MAGED1: variants seen among roughly 807,000 people sequenced by gnomAD.
The protein encoded by MAGED1 is melanoma-associated antigen D1.
In MAGED1, 3 loss-of-function variants were observed where a neutral mutation model predicts 54.1. That is an observed-to-expected ratio of 0.06 (90% confidence interval 0.03 to 0.14). MAGED1 has a LOEUF of 0.14. MAGED1 is among the 10% of genes least tolerant of loss of function. MAGED1 has a pLI of 1.00. For synonymous variants in MAGED1, 217 were observed against 227.3 expected (o/e 0.95, Z 0.41); for missense variants, 485 against 623.4 (o/e 0.78, Z 2.36).
At chrX:51,900,122 C>T (rs1273127461) in intron 10 of MAGED1, 60 bp from the exon 11 acceptor site, 1 of 715,845 alleles carries the variant, frequency 1.4e-6, no homozygotes, top group Non-Finnish European at 2.2e-6. Flanking sequence ...GATTATTTTT[C>T]ATTAGTGGAC....
chrX:51,805,805 A>T (rs2078629210), intron 1 of MAGED1, among the ~76,000 whole-genome samples: 1 of 109,024 alleles, frequency 9.2e-6, no homozygotes, highest in African/African-American at 3.3e-5. Context: ...CCATCCGTCC[A>T]TCCGTCCATC....
intron 1 of MAGED1, among the ~76,000 whole-genome samples, chrX:51,877,668 C>T (rs958023957): frequency 7.2e-5 from 8 of 110,600 alleles, no homozygotes; most frequent in African/African-American, 1.3e-4. Context: ...GGATATTACA[C>T]GTTATCATAA....
At chrX:51,879,742 T>C (rs1243349094) in intron 1 of MAGED1, among the ~76,000 whole-genome samples, 1 of 111,747 alleles carries the variant, frequency 8.9e-6, no homozygotes, top group African/African-American at 3.2e-5. Flanking sequence ...GATTTTAGGG[T>C]GATGATTTGC....
At chrX:51,859,882 C>T (rs1927214034) in intron 1 of MAGED1, among the ~76,000 whole-genome samples, 1 of 111,034 alleles carries the variant, frequency 9.0e-6, no homozygotes, top group Admixed American at 9.7e-5. Flanking sequence ...TTGCAGTGAG[C>T]TGAGATCATG....
intron 1 of MAGED1, among the ~76,000 whole-genome samples, chrX:51,877,973 G>C (rs782092573): frequency 8.1e-5 from 9 of 111,262 alleles, no homozygotes; most frequent in African/African-American, 2.9e-4. Flanking sequence ...CAAATTAAGT[G>C]GTTTATGAGG....
At chrX:51,868,023 A>G (rs1361009559) in intron 1 of MAGED1, among the ~76,000 whole-genome samples, 3 of 112,575 alleles carry the variant, frequency 2.7e-5, no homozygotes, top group Middle Eastern at 4.2e-3. Flanking sequence ...TGACATATCA[A>G]TAGAATATTT....
chrX:51,894,723 TA>T, intron 2 of MAGED1: 1 of 1,159,491 alleles, frequency 8.6e-7, no homozygotes, highest in Non-Finnish European at 1.1e-6. Flanking sequence ...CGACCCCCCT[TA>T]TTCTCAACTC....
intron 11 of MAGED1, among the ~76,000 whole-genome samples, chrX:51,900,908 A>T (rs1292291250): frequency 3.5e-5 from 4 of 112,687 alleles, no homozygotes; most frequent in Non-Finnish European, 7.5e-5. Flanking sequence ...TGTTGGGATT[A>T]CAGGCGTGAG....
chrX:51,879,627 T>G (rs981044749), intron 1 of MAGED1, among the ~76,000 whole-genome samples: 2 of 111,463 alleles, frequency 1.8e-5, no homozygotes, highest in Admixed American at 1.9e-4. Context: ...TTTTGGAAAA[T>G]TCTTAGCCAT....
At position 51,894,710 on chromosome X, in the gene MAGED1, G is replaced by A. The variant is rs1162470482; in HGVS notation, c.46-343G>A. 2.6e-6 allele frequency: 3 copies of A among 1,150,800 alleles called. No individual in the cohort carries two copies. The African/African-American group carries it at 6.2e-5, about 24-fold the overall frequency. 94.8% of individuals were successfully genotyped at this position (1,150,800 alleles called of 1,213,427 possible). The stretch of plus-strand genomic sequence containing the variant: ...TCCCTCTTTCTGCATTCCCCACTCT[G>A]TGCGACCCCCCTTATTCTCAACTCC... On this transcript the variant is annotated intron_variant, in intron 2 of 12. Coordinates refer to ENST00000326587, the MANE Select transcript of MAGED1 (RefSeq NM_006986.4).
At chrX:51,819,804 G>A (rs1222311106) in intron 1 of MAGED1, among the ~76,000 whole-genome samples, 1 of 111,180 alleles carries the variant, frequency 9.0e-6, no homozygotes, top group Non-Finnish European at 1.9e-5. Flanking sequence ...TTTCATTTTA[G>A]TGAAGTCCAA....
intron 1 of MAGED1, among the ~76,000 whole-genome samples, chrX:51,818,232 T>G (rs942526776): frequency 1.8e-5 from 2 of 111,735 alleles, no homozygotes; most frequent in African/African-American, 6.5e-5. Flanking sequence ...AATTGCTAGC[T>G]GCATAGTGGA....
In MAGED1 at chrX:51,901,802, A is replaced by G; in HGVS notation, c.2209A>G (p.Arg737Gly). The G allele has an allele frequency of 8.3e-7, 1 of 1,211,609 alleles. No homozygotes were observed. Residue 737 changes from arginine to glycine, a missense_variant, in exon 12 of 13, where the codon AGA becomes GGA. Arg to Gly is a moderately radical substitution (Grantham distance 125). Transcript: ENST00000326587. ...CAGAATTCCATTTACCTTCTGGGCC[A>G]GATACCACCAGAATGCCCGCTCCAG... ...WSRIPFTFWARYHQNARSRFP... is the reference protein window; with the variant it reads ...WSRIPFTFWAGYHQNARSRFP...
chrX:51,874,789 C>T (rs1470865961), intron 1 of MAGED1, among the ~76,000 whole-genome samples: 1 of 110,240 alleles, frequency 9.1e-6, no homozygotes, highest in Non-Finnish European at 1.9e-5. Context: ...TTTTTCTCCT[C>T]AAGATGGGTC....
chrX:51,901,076 T>G (rs1431692826), intron 11 of MAGED1, among the ~76,000 whole-genome samples: 1 of 112,684 alleles, frequency 8.9e-6, no homozygotes, highest in Non-Finnish European at 1.9e-5. Context: ...ACATTTTTTT[T>G]GTGATGAGAA....
At chrX:51,899,056 G>A (rs919315169) in intron 10 of MAGED1, 1 of 123,675 alleles carries the variant, frequency 8.1e-6, no homozygotes, top group Non-Finnish European at 1.7e-5. Flanking sequence ...CACTATACTT[G>A]TGCATATGTG....
At chrX:51,808,465 T>C (rs1051137062) in intron 1 of MAGED1, among the ~76,000 whole-genome samples, 4 of 112,105 alleles carry the variant, frequency 3.6e-5, no homozygotes, top group Non-Finnish European at 7.5e-5. Flanking sequence ...TCCCAGCACT[T>C]TGGGAGGCCG....
chrX:51,891,521 A>G (rs1184564449), upstream of MAGED1, among the ~76,000 whole-genome samples: 1 of 113,050 alleles, frequency 8.8e-6, no homozygotes, highest in Non-Finnish European at 1.9e-5. Context: ...TGCTTTAGCA[A>G]TGGGATGGAG....
rs782716409 is a variant in MAGED1, at chrX:51,900,201, G to A, written c.1864G>A (p.Val622Met). ...VKQKYLDYRRVPNSNPPEYEF... is the reference protein window; with the variant it reads ...VKQKYLDYRRMPNSNPPEYEF... ...TTTCAGATACCTGGACTACAGACGA[G>A]TGCCCAACAGCAACCCCCCGGAGTA... is the stretch of plus-strand genomic sequence containing the variant. The change falls in exon 11 of 13, where the codon GTG becomes ATG. Residue 622 changes from valine (V) to methionine (M), a missense_variant. Val to Met is a conservative substitution (Grantham distance 21). Around this residue, in one of 2 missense-constraint regions of MAGED1, gnomAD observed 186 missense variants for 330.3 expected, o/e 0.56. Transcript: ENST00000326587. 1 of 1,206,789 alleles carries A rather than the reference G, an allele frequency of 8.3e-7. No homozygotes were observed. The highest frequency in any genetic ancestry group is 1.1e-6 in the Non-Finnish European group (1 of 892,309).
Sources: allele counts gnomAD v4.1 joint callset (sites outside exome capture counted in the v4.1 genomes callset), GRCh38; gene constraint gnomAD v4.1.1; regional missense constraint gnomAD v4.1.1; transcripts MANE v1.5; gene names NCBI Gene and HGNC (gene_info 2026-07-23, HGNC 2026-07-21).